ERC1: variants seen among roughly 807,000 people sequenced by gnomAD.
ERC1 encodes RAB6 interacting protein 2.
Under a neutral mutation model 132.0 loss-of-function variants are expected in ERC1, and 56 were observed. The ratio of observed to expected loss-of-function variants is 0.42; its 90% CI spans 0.34 to 0.53. The LOEUF is 0.53. Ranked by LOEUF, ERC1 falls within the 20% of genes least tolerant of loss-of-function variation. ERC1 has a pLI of 0.03. For missense variants in ERC1, 1,202 were observed against 1,349.9 expected (o/e 0.89, Z 1.72); for synonymous variants, 478 against 476.1 (o/e 1.00, Z -0.05).
At chr12:1,220,678 A>G (rs544603588) in intron 12 of ERC1, among the ~76,000 whole-genome samples, 1 of 152,368 alleles carries the variant, frequency 6.6e-6, no homozygotes, top group South Asian at 2.1e-4. Context: ...CCTGCAAGCT[A>G]AGAATGGGTT....
chr12:1,249,601 G>A (rs2076352998), intron 13 of ERC1, among the ~76,000 whole-genome samples: 1 of 152,178 alleles, frequency 6.6e-6, no homozygotes, highest in African/African-American at 2.4e-5. Flanking sequence ...TTTACATATA[G>A]TTGGTACTTC....
chr12:1,341,162 C>T (rs1298028929), intron 15 of ERC1, among the ~76,000 whole-genome samples: 3 of 126,142 alleles, frequency 2.4e-5, no homozygotes, highest in Admixed American at 9.7e-5. Flanking sequence ...GGCGCAATCT[C>T]GGCTCACTGC....
intron 1 of ERC1, among the ~76,000 whole-genome samples, chr12:1,009,395 T>G (rs78455006): frequency 6.6e-6 from 1 of 152,022 alleles, no homozygotes; most frequent in South Asian, 2.1e-4. Flanking sequence ...AGGATGGTCT[T>G]GATCTCCTGA....
At chr12:1,289,823 T>A in intron 14 of ERC1, 29 bp from the exon 15 acceptor site, 1 of 1,602,384 alleles carries the variant, frequency 6.2e-7, no homozygotes, top group Non-Finnish European at 8.5e-7. Context: ...CAAGACACTC[T>A]GTTGTTCTCT....
intron 14 of ERC1, among the ~76,000 whole-genome samples, chr12:1,281,332 A>C (rs73029109): frequency 0.091 from 13,449 of 148,390 alleles, 776 homozygotes; most frequent in African/African-American, 0.17. Context: ...CTAGCAAAGC[A>C]AAAAAAAAAT....
rs144868934 is a variant in ERC1, at chr12:1,279,781, C to T, written c.2620-10071C>T. Among the ~76,000 whole-genome samples the T allele has an allele frequency of 5.1e-3, 777 of 152,058 alleles. 9 individuals are homozygous for T. Among genetic ancestry groups the T allele is most frequent in the African/African-American group, 0.018 (737 of 41,492 alleles). ...TGCAATCTCGGCTCACTGCAACCTC[C>T]GCGTCCCGGGTTCAAGCAATTCTTC... On this transcript the variant is annotated intron_variant, in intron 14 of 18. Coordinates refer to ENST00000360905, the MANE Select transcript of ERC1 (RefSeq NM_178040.4).
intron 12 of ERC1, among the ~76,000 whole-genome samples, chr12:1,193,205 G>T (rs1594110090): frequency 6.6e-6 from 1 of 152,122 alleles, no homozygotes; most frequent in African/African-American, 2.4e-5. Context: ...TCCTTCCCAT[G>T]TTGGCTGTTA....
At chr12:1,223,922 G>A (rs1283466681) in intron 12 of ERC1, among the ~76,000 whole-genome samples, 2 of 152,086 alleles carry the variant, frequency 1.3e-5, no homozygotes, top group Non-Finnish European at 2.9e-5. Context: ...GGCACCTCAC[G>A]ATAGGAATTT....
intron 17 of ERC1, among the ~76,000 whole-genome samples, chr12:1,419,636 A>G (rs2154399148): frequency 6.6e-6 from 1 of 152,082 alleles, no homozygotes; most frequent in East Asian, 1.9e-4. Flanking sequence ...AAACCTTGTG[A>G]AAAACCAAAG....
At chr12:1,071,660 A>T (rs2154182147) in intron 2 of ERC1, among the ~76,000 whole-genome samples, 1 of 152,080 alleles carries the variant, frequency 6.6e-6, no homozygotes, top group South Asian at 2.1e-4. Context: ...CTTTCTTTTT[A>T]AAATTTTTCC....
chr12:1,366,691 G>C (rs1050557845), intron 15 of ERC1, among the ~76,000 whole-genome samples: 1 of 152,104 alleles, frequency 6.6e-6, no homozygotes, highest in Non-Finnish European at 1.5e-5. Flanking sequence ...TCAGAGAAGA[G>C]GCTTTAAGAA....
At chr12:1,419,093 CTG>C (rs200342536) in intron 17 of ERC1, among the ~76,000 whole-genome samples, 2,927 of 152,176 alleles carry the variant, frequency 0.019, 36 homozygotes, top group Middle Eastern at 0.058. Flanking sequence ...TTGCTAGTCT[CTG>C]TTATAGGGTT....
intron 13 of ERC1, among the ~76,000 whole-genome samples, chr12:1,262,230 C>G (rs1444309499): frequency 6.6e-6 from 1 of 152,224 alleles, no homozygotes; most frequent in African/African-American, 2.4e-5. Context: ...AACCTGATGA[C>G]TGCAGTTCTC....
intron 15 of ERC1, among the ~76,000 whole-genome samples, chr12:1,360,788 T>C (rs1307143251): frequency 6.6e-6 from 1 of 152,040 alleles, no homozygotes; most frequent in Non-Finnish European, 1.5e-5. Context: ...AAGTAACGTT[T>C]AAGGAAATAC....
intron 16 of ERC1, among the ~76,000 whole-genome samples, chr12:1,406,410 G>A (rs554926882): frequency 6.6e-6 from 1 of 152,134 alleles, no homozygotes; most frequent in African/African-American, 2.4e-5. Context: ...TAGAATTGGT[G>A]GACATATTCT....
At chr12:1,168,342 T>C (rs1206602284) in intron 8 of ERC1, among the ~76,000 whole-genome samples, 2 of 152,020 alleles carry the variant, frequency 1.3e-5, no homozygotes, top group African/African-American at 4.8e-5. Context: ...TAGGCTAGTC[T>C]CAAACTCCTG....
chr12:1,440,256 G>C lies in ERC1; in HGVS notation c.3025-4306G>C, dbSNP rs377229993. ...GTCTTGCTCTGTCGCCCAGGCTGGA[G>C]TGCAGTGGTGCCATCTCGGCTCACT... is the stretch of plus-strand genomic sequence containing the variant. On this transcript the variant is annotated intron_variant, in intron 17 of 18. Transcript: ENST00000360905. Among the ~76,000 whole-genome samples, 35 of 139,354 alleles carry C rather than the reference G, an allele frequency of 2.5e-4. No individual in the cohort carries two copies. In the East Asian group the frequency reaches 3.6e-3, roughly 14 times the overall value. 91.4% of individuals were successfully genotyped at this position (139,354 alleles called of 152,430 possible).
At chr12:1,381,567 A>C (rs540322285) in intron 16 of ERC1, among the ~76,000 whole-genome samples, 1 of 152,132 alleles carries the variant, frequency 6.6e-6, no homozygotes, top group African/African-American at 2.4e-5. Context: ...CCTCCTTTCA[A>C]CCCTAAATTT....
intron 15 of ERC1, among the ~76,000 whole-genome samples, chr12:1,348,216 G>A (rs1365699293): frequency 1.3e-5 from 2 of 152,122 alleles, no homozygotes; most frequent in African/African-American, 2.4e-5. Flanking sequence ...AGCAAAATAC[G>A]GGTATAAGAA....
Sources: allele counts gnomAD v4.1 joint callset (sites outside exome capture counted in the v4.1 genomes callset), GRCh38; gene constraint gnomAD v4.1.1; transcripts MANE v1.5; gene names NCBI Gene and HGNC (gene_info 2026-07-23, HGNC 2026-07-21).